The following NRXN3 variants were observed in gnomAD, a reference collection of about 807,000 sequenced individuals.
NRXN3 encodes the protein neurexin 3, also known as neurexin III.
NRXN3 carries 32 observed loss-of-function variants against 137.6 expected under a neutral mutation model. The ratio of observed to expected loss-of-function variants is 0.23; its 90% CI spans 0.18 to 0.31. The LOEUF is 0.31. NRXN3 is among the 10% of genes least tolerant of loss of function. The pLI is 1.00. For synonymous variants in NRXN3, 798 were observed against 784.5 expected, an observed-to-expected ratio of 1.02 and a Z score of -0.29; for missense variants, 1,574 against 2,062.5, an observed-to-expected ratio of 0.76 and a Z score of 4.59.
At chr14:78,394,591 A>C (rs1213864510) in intron 4 of NRXN3, among the ~76,000 whole-genome samples, 3 of 151,876 alleles carry the variant, frequency 2.0e-5, no homozygotes, top group Non-Finnish European at 4.4e-5. Context: ...CATAAAATGA[A>C]TTGCAGTATC....
Position 79,862,103 on chromosome 14 carries a change from A to G in NRXN3, c.*139A>G. 2.7e-6 allele frequency: 2 copies of G among 738,302 alleles called. No homozygotes were observed. Among genetic ancestry groups the G allele is most frequent in the Non-Finnish European group, 4.4e-6 (2 of 454,814 alleles). The allele number at this position is 738,302 out of a possible 1,614,324, so 45.7% of individuals were successfully genotyped here. On this transcript the variant is annotated 3_prime_UTR_variant, in exon 21 of 21. Coordinates refer to ENST00000335750, the MANE Select transcript of NRXN3 (RefSeq NM_001330195.2). ...TATATAACCACGACTCTGGTGGGGA[A>G]AACCGTTTTTTAAAGGACACACACA...
At chr14:78,485,241 G>T (rs138486499) in intron 4 of NRXN3, among the ~76,000 whole-genome samples, 1 of 152,150 alleles carries the variant, frequency 6.6e-6, no homozygotes, top group South Asian at 2.1e-4. Context: ...TGTGTCCCCC[G>T]GTTGGGAGAT....
chr14:78,718,460 C>T (rs1268230153), intron 8 of NRXN3, among the ~76,000 whole-genome samples: 1 of 152,076 alleles, frequency 6.6e-6, no homozygotes, highest in Non-Finnish European at 1.5e-5. Context: ...GCAAAGTCAG[C>T]AACAGATAAA....
intron 4 of NRXN3, among the ~76,000 whole-genome samples, chr14:78,417,356 T>C (rs2093197736): frequency 6.6e-6 from 1 of 152,222 alleles, no homozygotes; most frequent in African/African-American, 2.4e-5. Context: ...CTGACCTCCT[T>C]TGCCTGGCCA....
chr14:79,101,258 T>G (rs906650077), intron 15 of NRXN3, among the ~76,000 whole-genome samples: 1 of 152,212 alleles, frequency 6.6e-6, no homozygotes, highest in Admixed American at 6.5e-5. Context: ...CCCACTATTG[T>G]ACTTGTGGAA....
intron 4 of NRXN3, among the ~76,000 whole-genome samples, chr14:78,498,138 T>C (rs2095819113): frequency 6.6e-6 from 1 of 152,168 alleles, no homozygotes; most frequent in South Asian, 2.1e-4. Flanking sequence ...ATGCCCTGTA[T>C]ATATTTCATG....
chr14:78,991,142 A>G (rs2099517991), intron 15 of NRXN3, among the ~76,000 whole-genome samples: 1 of 152,226 alleles, frequency 6.6e-6, no homozygotes, highest in Admixed American at 6.5e-5. Flanking sequence ...GCAAAGAAAG[A>G]TAAGCTCATG....
chr14:78,354,225 T>C (rs899749592), intron 4 of NRXN3, among the ~76,000 whole-genome samples: 6 of 152,236 alleles, frequency 3.9e-5, no homozygotes, highest in Non-Finnish European at 7.3e-5. Flanking sequence ...ATCTGGAGTT[T>C]GGAAGAGAAA....
intron 6 of NRXN3, among the ~76,000 whole-genome samples, chr14:78,702,245 T>C (rs1299485595): frequency 6.6e-6 from 1 of 151,822 alleles, no homozygotes; most frequent in Non-Finnish European, 1.5e-5. Context: ...CAATTAAGTA[T>C]ATACAATTTA....
chr14:79,797,463 CTTAACA>C (rs2099164442), intron 19 of NRXN3, among the ~76,000 whole-genome samples: 1 of 152,126 alleles, frequency 6.6e-6, no homozygotes, highest in Admixed American at 6.6e-5. Context: ...TAGATAGTAT[CTTAACA>C]AGACTAGAAT....
intron 15 of NRXN3, among the ~76,000 whole-genome samples, chr14:78,998,689 A>G (rs538485533): frequency 4.0e-5 from 6 of 149,498 alleles, no homozygotes; most frequent in Non-Finnish European, 8.9e-5. Context: ...ACATCCGCCT[A>G]CCAGGTTCAA....
chr14:78,656,438 T>C (rs2097785391), intron 6 of NRXN3, among the ~76,000 whole-genome samples: 1 of 151,998 alleles, frequency 6.6e-6, no homozygotes. Flanking sequence ...GTAGAGCATG[T>C]TCTGGTGTCT....
chr14:78,259,983 A>G (rs945946448), intron 2 of NRXN3, among the ~76,000 whole-genome samples: 3 of 152,142 alleles, frequency 2.0e-5, no homozygotes, highest in African/African-American at 7.2e-5. Context: ...GGAACCAAGA[A>G]ATGGAGCCTA....
intron 4 of NRXN3, among the ~76,000 whole-genome samples, chr14:78,504,158 G>A (rs1338558793): frequency 3.9e-5 from 6 of 152,252 alleles, no homozygotes; most frequent in East Asian, 1.9e-4. Flanking sequence ...CTGAGACTAC[G>A]TTATGTGGAA....
At chr14:78,835,178 A>T (rs2098992979) in intron 10 of NRXN3, among the ~76,000 whole-genome samples, 1 of 152,146 alleles carries the variant, frequency 6.6e-6, no homozygotes, top group African/African-American at 2.4e-5. Flanking sequence ...GGCAAAGGGA[A>T]GCAGGAGTAG....
chr14:79,200,254 A>G (rs77557957), intron 15 of NRXN3, among the ~76,000 whole-genome samples: 2,719 of 152,308 alleles, frequency 0.018, 89 homozygotes, highest in African/African-American at 0.063. Context: ...GCTAAGCTAA[A>G]GTTGTGGATT....
intron 15 of NRXN3, among the ~76,000 whole-genome samples, chr14:79,284,107 A>G (rs2081764091): frequency 6.6e-6 from 1 of 151,560 alleles, no homozygotes; most frequent in Non-Finnish European, 1.5e-5. Context: ...AAATAGTAAA[A>G]TATATTTGTT....
At chr14:78,911,079 A>G (rs2099236122) in intron 10 of NRXN3, among the ~76,000 whole-genome samples, 1 of 152,226 alleles carries the variant, frequency 6.6e-6, no homozygotes. Context: ...TTATGGTAAC[A>G]ATAACATTAT....
intron 19 of NRXN3, among the ~76,000 whole-genome samples, chr14:79,752,764 C>T (rs1030464261): frequency 2.0e-5 from 3 of 151,902 alleles, no homozygotes; most frequent in African/African-American, 7.3e-5. Flanking sequence ...AAGAAACTAC[C>T]ATCAGAGTGA....
Sources: allele counts gnomAD v4.1 joint callset (sites outside exome capture counted in the v4.1 genomes callset), GRCh38; gene constraint gnomAD v4.1.1; transcripts MANE v1.5; gene names NCBI Gene and HGNC (gene_info 2026-07-23, HGNC 2026-07-21).